Variants in TFEC observed in about 807,000 individuals in gnomAD.
TFEC encodes the protein class E basic helix-loop-helix protein 34.
Under a neutral mutation model 41.6 loss-of-function variants are expected in TFEC, and 31 were observed. That is an observed-to-expected ratio of 0.74 (90% CI 0.56 to 1.01). TFEC has a LOEUF of 1.01. TFEC is among the 50% of genes least tolerant of loss of function. TFEC has a pLI of 0.00. For missense variants in TFEC, 402 were observed against 404.1 expected, an observed-to-expected ratio of 0.99 and a Z score of 0.04; for synonymous variants, 143 against 140.6, an observed-to-expected ratio of 1.02 and a Z score of -0.12.
intron 3 of TFEC, among the ~76,000 whole-genome samples, chr7:116,079,474 C>T (rs763370911): frequency 1.4e-4 from 22 of 152,022 alleles, no homozygotes; most frequent in Admixed American, 1.3e-4. Context: ...TAAATGGATT[C>T]GGTGATGTTT....
At chr7:115,985,812 C>T (rs1793828242) in intron 1 of TFEC, among the ~76,000 whole-genome samples, 1 of 151,986 alleles carries the variant, frequency 6.6e-6, no homozygotes, top group African/African-American at 2.4e-5. Context: ...ATTAAAATGC[C>T]AGTGGTAATT....
intron 1 of TFEC, among the ~76,000 whole-genome samples, chr7:116,150,888 T>C (rs1163756926): frequency 1.3e-5 from 2 of 152,166 alleles, no homozygotes; most frequent in African/African-American, 4.8e-5. Flanking sequence ...GATATATGGC[T>C]TTATCCGGAA....
chr7:116,130,840 G>A (rs933230833), intron 1 of TFEC, among the ~76,000 whole-genome samples: 3 of 152,078 alleles, frequency 2.0e-5, no homozygotes, highest in African/African-American at 7.3e-5. Context: ...TCAAACTCCT[G>A]GGCTCAAGCG....
chr7:116,068,336 T>A (rs532722790), intron 3 of TFEC, among the ~76,000 whole-genome samples: 13 of 151,794 alleles, frequency 8.6e-5, no homozygotes, highest in Non-Finnish European at 1.6e-4. Flanking sequence ...GATTAAGTAT[T>A]ACATTGAGTG....
chr7:116,136,427 A>T (rs1437831647), intron 1 of TFEC, among the ~76,000 whole-genome samples: 1 of 152,020 alleles, frequency 6.6e-6, no homozygotes, highest in Non-Finnish European at 1.5e-5. Flanking sequence ...CTAAGATTTC[A>T]GGTCTAGTTA....
intron 3 of TFEC, among the ~76,000 whole-genome samples, chr7:116,090,698 TA>T (rs1434704777): frequency 2.0e-5 from 3 of 152,096 alleles, no homozygotes; most frequent in Non-Finnish European, 2.9e-5. Context: ...GAAAATATAT[TA>T]GTTCAAGGTT....
In TFEC at chr7:115,950,924, A is replaced by T. The variant is rs1431652465; in HGVS notation, c.465T>A (p.Ile155=). The T allele has an allele frequency of 6.3e-7, 1 of 1,599,406 alleles. No homozygotes were observed. The highest frequency in any genetic ancestry group is 8.5e-7 in the Non-Finnish European group (1 of 1,170,196). ...NLIERRRRYN[I]NYRIKELGTL... ...TGCCAAGCTCCTTGATTCGGTAATT[A>T]ATATTATACCTTCTTCTTCTTTCAA... Residue 155 remains isoleucine (I), a synonymous_variant, in exon 6 of 8, where the codon ATT becomes ATA. Transcript: ENST00000265440.
intron 6 of TFEC, among the ~76,000 whole-genome samples, chr7:115,947,920 G>T (rs1304177047): frequency 6.6e-6 from 1 of 151,808 alleles, no homozygotes; most frequent in East Asian, 1.9e-4. Flanking sequence ...CTGGTTTTTT[G>T]AAAGGATCAA....
chr7:116,101,192 C>CA lies in TFEC; in HGVS notation c.198+9515_198+9516insT, dbSNP rs202073555. 2.2e-5 allele frequency among the ~76,000 whole-genome samples: 3 copies of CA among 135,278 alleles called. No homozygotes were observed. In the South Asian group the frequency reaches 7.9e-4, roughly 36 times the overall value. 88.7% of individuals were successfully genotyped at this position (135,278 alleles called of 152,430 possible). A position where few individuals can be genotyped will look rare whatever the true frequency, so the allele number is the denominator to read the frequency against. ...ACCAATGTCCCCCACTTTCATGCCC[C>CA]CCCCCAAAAAAAAGAAAAAGGAAAA... On this transcript the variant is annotated intron_variant, in intron 3 of 8. Transcript: ENST00000484212.
intron 1 of TFEC, among the ~76,000 whole-genome samples, chr7:116,123,452 C>T (rs775230689): frequency 2.6e-5 from 4 of 152,024 alleles, no homozygotes; most frequent in East Asian, 3.9e-4. Flanking sequence ...TTTTATGATA[C>T]ACCACAAGCC....
intron 1 of TFEC, among the ~76,000 whole-genome samples, chr7:115,985,488 T>C (rs73716896): frequency 0.018 from 2,747 of 152,208 alleles, 91 homozygotes; most frequent in African/African-American, 0.063. Context: ...TAAACAATAG[T>C]AAAGATTGCT....
intron 1 of TFEC, among the ~76,000 whole-genome samples, chr7:116,024,431 T>C (rs1275881577): frequency 1.3e-5 from 2 of 152,276 alleles, no homozygotes; most frequent in Non-Finnish European, 2.9e-5. Context: ...TGGCCAATCA[T>C]TGCTCACTGT....
chr7:116,125,689 T>C (rs948958322), intron 1 of TFEC, among the ~76,000 whole-genome samples: 13 of 152,014 alleles, frequency 8.6e-5, no homozygotes, highest in Admixed American at 5.9e-4. Context: ...TTGATTCAAT[T>C]AAATATAAAG....
intron 2 of TFEC, among the ~76,000 whole-genome samples, 165 bp from the exon 3 acceptor site, chr7:115,974,421 T>TATAC (rs1793284177): frequency 1.5e-5 from 1 of 68,890 alleles, no homozygotes; most frequent in Non-Finnish European, 3.6e-5. Context: ...TATATATATA[T>TATAC]ATATATATAT....
At chr7:115,988,210 T>C (rs1793944499) in intron 1 of TFEC, among the ~76,000 whole-genome samples, 1 of 152,046 alleles carries the variant, frequency 6.6e-6, no homozygotes, top group South Asian at 2.1e-4. Flanking sequence ...AAACATGGTT[T>C]GAAGAAGCAG....
chr7:116,130,483 C>T (rs1584552914), intron 1 of TFEC, among the ~76,000 whole-genome samples: 1 of 152,210 alleles, frequency 6.6e-6, no homozygotes, highest in East Asian at 1.9e-4. Context: ...GTGAAGAAAC[C>T]GATAAGAGAC....
intron 1 of TFEC, among the ~76,000 whole-genome samples, chr7:115,992,972 C>T (rs1177378014): frequency 6.6e-6 from 1 of 152,090 alleles, no homozygotes; most frequent in African/African-American, 2.4e-5. Context: ...ACTGGCAAAC[C>T]GAATCCAGCA....
intron 1 of TFEC, among the ~76,000 whole-genome samples, chr7:116,114,798 A>C (rs1285753604): frequency 1.3e-5 from 2 of 152,038 alleles, no homozygotes; most frequent in African/African-American, 2.4e-5. Context: ...AAGCATGCAA[A>C]GAAGGATGAC....
chr7:116,103,619 A>T (rs955044746), intron 3 of TFEC, among the ~76,000 whole-genome samples: 1 of 152,138 alleles, frequency 6.6e-6, no homozygotes, highest in East Asian at 1.9e-4. Context: ...GTTTTTGTCA[A>T]TTATCTATAT....
Sources: gnomAD v4.1 joint callset for allele counts (sites outside exome capture counted in the v4.1 genomes callset) on GRCh38, gnomAD v4.1.1 for gene constraint, MANE v1.5 for transcripts, NCBI Gene and HGNC (gene_info 2026-07-23, HGNC 2026-07-21) for gene names.